Variants in KDM2A observed in about 807,000 individuals in gnomAD.
KDM2A encodes lysine demethylase 2A.
In KDM2A, 3 loss-of-function variants were observed where a neutral mutation model predicts 137.3. The ratio of observed to expected loss-of-function variants is 0.02; its 90% CI spans 0.01 to 0.06. The LOEUF (loss-of-function observed/expected upper bound fraction) is 0.06, where lower values mean the gene tolerates loss of function less well. Among genes scored for constraint, KDM2A ranks in the 10% least tolerant of loss-of-function variants. The probability of loss-of-function intolerance (pLI) is 1.00; values close to 1 mark genes in which losing one functional copy is unlikely to be tolerated. For synonymous variants in KDM2A, 512 were observed against 541.5 expected (o/e 0.95, Z 0.76); for missense variants, 738 against 1,510.6 (o/e 0.49, Z 8.48).
intron 2 of KDM2A, among the ~76,000 whole-genome samples, chr11:67,164,544 C>G (rs1856699901): frequency 6.6e-6 from 1 of 151,600 alleles, no homozygotes; most frequent in African/African-American, 2.4e-5. Flanking sequence ...TCTTGAACTC[C>G]TAGTTTCAAG....
chr11:67,167,640 G>A (rs1452972031), intron 2 of KDM2A, among the ~76,000 whole-genome samples: 1 of 150,922 alleles, frequency 6.6e-6, no homozygotes, highest in Non-Finnish European at 1.5e-5. Flanking sequence ...TTAATCAAGA[G>A]ACTTAGGTAC....
chr11:67,169,733 T>TTCTCTCTCTCTCTC (rs71056181), intron 2 of KDM2A, among the ~76,000 whole-genome samples: 34 of 92,680 alleles, frequency 3.7e-4, no homozygotes, highest in South Asian at 3.0e-3. Context: ...CTCTCTCTCC[T>TTCTCTCTCTCTCTC]TCTCTCTCTC....
In KDM2A at chr11:67,250,585, G is replaced by T; in HGVS notation, c.2555G>T (p.Gly852Val). ...ACCCCCCAGCGTGGGGATGAGGAGGGGCTGGGGGGAGAGGAGGAGGAAGAG... is the reference window on the plus strand; with the variant it reads ...ACCCCCCAGCGTGGGGATGAGGAGGTGCTGGGGGGAGAGGAGGAGGAAGAG... ...ARTPQRGDEE[G>V]LGGEEEEEEE... The change falls in exon 17 of 21, where the codon GGG becomes GTG. Residue 852 changes from glycine to valine, a missense_variant. By Grantham distance (109) the Gly-to-Val change is moderately radical. Transcript: ENST00000529006. This position sits in a 1 kb window ranked among gnomAD's most constrained non-coding sequence, Gnocchi z 7.1. 6.2e-7 allele frequency: 1 copy of T among 1,613,256 alleles called. No individual in the cohort carries two copies. Among genetic ancestry groups the T allele is most frequent in the Non-Finnish European group, 8.5e-7 (1 of 1,179,454 alleles).
At chr11:67,208,664 G>C (rs1435729293) in intron 6 of KDM2A, among the ~76,000 whole-genome samples, 1 of 151,436 alleles carries the variant, frequency 6.6e-6, no homozygotes, top group South Asian at 2.1e-4. Flanking sequence ...CCAGCTACTC[G>C]GGAGGCTGAG....
chr11:67,171,488 TGA>T (rs35638288), intron 2 of KDM2A, among the ~76,000 whole-genome samples: 110,345 of 152,002 alleles, frequency 0.73, 45,942 homozygotes, highest in Non-Finnish European at 0.93. Context: ...AGTTGAGATC[TGA>T]GAGGTTAAAT....
At chr11:67,157,056 G>A (rs1403633614) in intron 2 of KDM2A, among the ~76,000 whole-genome samples, 1 of 152,154 alleles carries the variant, frequency 6.6e-6, no homozygotes, top group Non-Finnish European at 1.5e-5. Context: ...GCTCACGCCT[G>A]TAATCCCAGC....
At chr11:67,236,871 A>G (rs1453346588) in intron 12 of KDM2A, among the ~76,000 whole-genome samples, 2 of 152,206 alleles carry the variant, frequency 1.3e-5, no homozygotes, top group Non-Finnish European at 2.9e-5. Flanking sequence ...TGTTAAGGAA[A>G]CTATGCAGAC....
intron 5 of KDM2A, among the ~76,000 whole-genome samples, chr11:67,201,772 C>CATA (rs1857630358): frequency 2.6e-5 from 1 of 37,812 alleles, no homozygotes; most frequent in African/African-American, 1.2e-4. Flanking sequence ...GACTCCATCT[C>CATA]AAAAAAAAAA....
intron 2 of KDM2A, among the ~76,000 whole-genome samples, chr11:67,175,153 G>A (rs966338791): frequency 2.0e-5 from 3 of 152,122 alleles, no homozygotes; most frequent in Non-Finnish European, 4.4e-5. Flanking sequence ...GATATCCAGG[G>A]TTACTGTGAG....
chr11:67,215,768 A>T (rs1468719913), intron 7 of KDM2A, 88 bp from the exon 8 acceptor site: 1 of 877,494 alleles, frequency 1.1e-6, no homozygotes, highest in East Asian at 2.4e-5. Flanking sequence ...AGATAAAGGG[A>T]GTATATAAGA....
intron 5 of KDM2A, chr11:67,196,297 G>A (rs1340310859): frequency 2.2e-6 from 1 of 456,098 alleles, no homozygotes. Flanking sequence ...TGGCAGGAGG[G>A]AGCAAGTGGG....
intron 2 of KDM2A, among the ~76,000 whole-genome samples, chr11:67,154,151 C>T (rs1856464009): frequency 6.6e-6 from 1 of 152,154 alleles, no homozygotes; most frequent in Admixed American, 6.6e-5. Flanking sequence ...ACTGTTGACT[C>T]TTTAGTCACT....
chr11:67,121,104 C>G, intron 1 of KDM2A, 130 bp from the exon 2 acceptor site: 1 of 565,934 alleles, frequency 1.8e-6, no homozygotes, highest in South Asian at 2.3e-5. Flanking sequence ...GCAGAAAGGT[C>G]CCAAACTCAT....
chr11:67,166,607 C>A (rs1213839819), intron 2 of KDM2A, among the ~76,000 whole-genome samples: 1 of 152,054 alleles, frequency 6.6e-6, no homozygotes, highest in Non-Finnish European at 1.5e-5. Context: ...GACCTGTAGT[C>A]CCAGTAACTT....
chr11:67,247,046 TATATATATATA>T (rs1859247171), intron 15 of KDM2A, among the ~76,000 whole-genome samples: 1 of 25,916 alleles, frequency 3.9e-5, no homozygotes, highest in Non-Finnish European at 8.2e-5. Flanking sequence ...TTTATATATA[TATATATATATA>T]TATATATATA....
intron 15 of KDM2A, among the ~76,000 whole-genome samples, chr11:67,246,538 G>A (rs1223271215): frequency 6.6e-6 from 1 of 151,836 alleles, no homozygotes; most frequent in Non-Finnish European, 1.5e-5. Context: ...TGAGTGCTGA[G>A]TCTGTATCAG....
chr11:67,158,626 A>G (rs1270765415), intron 2 of KDM2A, among the ~76,000 whole-genome samples: 2 of 151,928 alleles, frequency 1.3e-5, no homozygotes, highest in Admixed American at 6.6e-5. Context: ...TTAACTTGCA[A>G]CTCCCTAATG....
intron 12 of KDM2A, chr11:67,240,289 T>A: frequency 6.5e-7 from 1 of 1,535,552 alleles, no homozygotes; most frequent in Non-Finnish European, 8.7e-7. Context: ...CAGGAGAACT[T>A]CCAGTACAGA....
At chr11:67,158,092 A>G (rs751665022) in intron 2 of KDM2A, among the ~76,000 whole-genome samples, 9 of 150,592 alleles carry the variant, frequency 6.0e-5, no homozygotes, top group Non-Finnish European at 8.8e-5. Flanking sequence ...ACTGTGCACC[A>G]CTTATTCATC....
Sources: gnomAD v4.1 joint callset for allele counts (sites outside exome capture counted in the v4.1 genomes callset) on GRCh38, gnomAD v4.1.1 for gene constraint, Gnocchi (gnomAD v3.1) non-coding constraint, MANE v1.5 for transcripts, NCBI Gene and HGNC (gene_info 2026-07-23, HGNC 2026-07-21) for gene names.